The following TBC1D19 variants were observed in gnomAD, a reference collection of about 807,000 sequenced individuals.
The protein encoded by TBC1D19 is TBC1 domain family, member 19.
TBC1D19 carries 60 observed loss-of-function variants against 89.0 expected under a neutral mutation model. The observed-to-expected ratio is 0.67, with a 90% CI of 0.55 to 0.84. The LOEUF (loss-of-function observed/expected upper bound fraction) is 0.84, where lower values mean the gene tolerates loss of function less well. Ranked by LOEUF, TBC1D19 falls within the 40% of genes least tolerant of loss-of-function variation. The pLI, the probability that TBC1D19 is intolerant of heterozygous loss-of-function variation, is 0.00. For missense variants in TBC1D19, 500 were observed against 610.8 expected (o/e 0.82, Z 1.91); for synonymous variants, 189 against 199.7 (o/e 0.95, Z 0.45).
the TBC1D19 span, among the ~76,000 whole-genome samples, chr4:26,805,869 C>T: frequency 1.3e-5 from 2 of 152,050 alleles, no homozygotes; most frequent in African/African-American, 2.4e-5. Context: ...GGAGTGCTGG[C>T]GTGCAGGAAA....
intron 16 of TBC1D19, among the ~76,000 whole-genome samples, chr4:26,738,170 A>G (rs973929577): frequency 6.6e-6 from 1 of 151,488 alleles, no homozygotes; most frequent in Non-Finnish European, 1.5e-5. Flanking sequence ...AAGGAATTCA[A>G]CATAAACAAC....
chr4:26,804,510 G>C, the TBC1D19 span, among the ~76,000 whole-genome samples: 3 of 152,240 alleles, frequency 2.0e-5, no homozygotes, highest in African/African-American at 7.2e-5. Context: ...AGTCAGTCTG[G>C]GACGTGGCCC....
Position 26,584,424 on chromosome 4 carries a change from GACAAAAACAAAAACAAAA to G in TBC1D19, c.99+151_99+168del, listed in dbSNP as rs10535440. On this transcript the variant is annotated intron_variant, in intron 1 of 20. Coordinates refer to ENST00000264866, the MANE Select transcript of TBC1D19 (RefSeq NM_018317.4). ...CGCTCTGGTGCTCAAAAAACAAACAGACAAAAACAAAAACAAAAACAAAAACAAAAACAAAACAAAACA... is the reference window on the plus strand; with the variant it reads ...CGCTCTGGTGCTCAAAAAACAAACAGACAAAAACAAAAACAAAACAAAACA... The G allele has an allele frequency of 2.9e-3, 2,063 of 705,516 alleles. 35 individuals are homozygous for G. Among genetic ancestry groups the G allele is most frequent in the East Asian group, 1.0e-3 (35 of 34,818 alleles). The allele number at this position is 705,516 out of a possible 1,614,324, so 43.7% of individuals were successfully genotyped here.
chr4:26,765,718 C>T, the TBC1D19 span, among the ~76,000 whole-genome samples: 1 of 152,102 alleles, frequency 6.6e-6, no homozygotes, highest in African/African-American at 2.4e-5. Flanking sequence ...AAGTCAGCTG[C>T]TTCTTAGACA....
intron 1 of TBC1D19, among the ~76,000 whole-genome samples, chr4:26,598,091 G>T (rs1001535655): frequency 8.6e-5 from 13 of 151,910 alleles, no homozygotes; most frequent in African/African-American, 3.1e-4. Context: ...TTATCATATT[G>T]CAGCATTAAT....
At chr4:26,786,291 C>T in the TBC1D19 span, among the ~76,000 whole-genome samples, 3 of 152,126 alleles carry the variant, frequency 2.0e-5, no homozygotes, top group African/African-American at 7.2e-5. Context: ...CTGGGCTAGG[C>T]TTTGTGAGGG....
chr4:26,610,943 T>C (rs924423812), intron 1 of TBC1D19, among the ~76,000 whole-genome samples: 1 of 152,210 alleles, frequency 6.6e-6, no homozygotes, highest in Non-Finnish European at 1.5e-5. Flanking sequence ...GAATGATTTA[T>C]ATTCCTTTGG....
chr4:26,735,348 G>T, intron 15 of TBC1D19, 107 bp from the exon 16 acceptor site: 1 of 863,742 alleles, frequency 1.2e-6, no homozygotes, highest in Non-Finnish European at 1.7e-6. Context: ...GAACAGAGTT[G>T]AAGCAAAAAT....
chr4:26,745,339 A>G (rs1468231990), intron 18 of TBC1D19, among the ~76,000 whole-genome samples: 3 of 151,822 alleles, frequency 2.0e-5, no homozygotes, highest in Admixed American at 6.6e-5. Context: ...CTATATTACT[A>G]AATTTTTTTA....
chr4:26,721,880 C>A (rs1218733148), intron 15 of TBC1D19, among the ~76,000 whole-genome samples: 1 of 152,148 alleles, frequency 6.6e-6, no homozygotes, highest in East Asian at 1.9e-4. Flanking sequence ...CTTAGAATAG[C>A]CCATCTAACC....
rs566296147 is a variant in TBC1D19 at position 26,577,617 on chromosome 4, T to A, written c.6+820T>A. On this transcript the variant is annotated intron_variant, in intron 1 of 12. Transcript: ENST00000512840. ...AAAATAAGAATTTGAGTACAAAGAG[T>A]CTAATAGGTAGAGGTAATTCTAGGA... 2.3e-3 allele frequency among the ~76,000 whole-genome samples: 347 copies of A among 152,006 alleles called. 1 individual carries two copies. Among genetic ancestry groups the A allele is most frequent in the Non-Finnish European group, 3.7e-3 (252 of 67,976 alleles).
At chr4:26,822,130 T>C in the TBC1D19 span, among the ~76,000 whole-genome samples, 9 of 152,266 alleles carry the variant, frequency 5.9e-5, no homozygotes, top group African/African-American at 2.2e-4. Context: ...GGTGATTTTT[T>C]ACCCCTGTCT....
chr4:26,797,768 A>G, the TBC1D19 span, among the ~76,000 whole-genome samples: 54,694 of 151,820 alleles, frequency 0.36, 10,846 homozygotes, highest in East Asian at 0.56. Flanking sequence ...GATCCTTAAC[A>G]AAGTCAACAA....
At chr4:26,644,700 G>A (rs188725800) in intron 7 of TBC1D19, among the ~76,000 whole-genome samples, 224 of 152,218 alleles carry the variant, frequency 1.5e-3, no homozygotes, top group African/African-American at 5.1e-3. Flanking sequence ...AATCTCCTTA[G>A]GCTGATAAGC....
chr4:26,728,617 A>G (rs1717463004), intron 15 of TBC1D19, among the ~76,000 whole-genome samples: 1 of 152,230 alleles, frequency 6.6e-6, no homozygotes, highest in Non-Finnish European at 1.5e-5. Context: ...TGGTCCCTGG[A>G]AATGAAGCTG....
At chr4:26,765,633 T>C in the TBC1D19 span, among the ~76,000 whole-genome samples, 7 of 152,182 alleles carry the variant, frequency 4.6e-5, no homozygotes, top group African/African-American at 1.4e-4. Context: ...CAATAAACTT[T>C]ACTGCTGTGG....
the TBC1D19 span, among the ~76,000 whole-genome samples, chr4:26,839,426 A>AT: frequency 6.6e-6 from 1 of 151,996 alleles, no homozygotes; most frequent in Non-Finnish European, 1.5e-5. Flanking sequence ...TCTTGAATCG[A>AT]TTTTTTTCTA....
chr4:26,653,391 G>A (rs980310303), intron 7 of TBC1D19, among the ~76,000 whole-genome samples: 14 of 152,276 alleles, frequency 9.2e-5, no homozygotes, highest in African/African-American at 3.1e-4. Context: ...GGTCCGCTTG[G>A]TGCAGAGCTG....
chr4:26,824,196 A>T, the TBC1D19 span, among the ~76,000 whole-genome samples: 1 of 152,236 alleles, frequency 6.6e-6, no homozygotes, highest in Admixed American at 6.5e-5. Context: ...ACATGCAGCA[A>T]TAGAGAACAA....
Sources: gnomAD v4.1 joint callset for allele counts (sites outside exome capture counted in the v4.1 genomes callset) on GRCh38, gnomAD v4.1.1 for gene constraint, MANE v1.5 for transcripts, NCBI Gene and HGNC (gene_info 2026-07-23, HGNC 2026-07-21) for gene names.